FAM3C: variants seen among roughly 807,000 people sequenced by gnomAD.
FAM3C encodes FAM3 metabolism regulating signaling molecule C, also known as protein FAM3C.
Under a neutral mutation model 32.5 loss-of-function variants are expected in FAM3C, and 15 were observed. That is an observed-to-expected ratio of 0.46 (90% confidence interval 0.31 to 0.71). FAM3C has a LOEUF of 0.71. Ranked by LOEUF, FAM3C falls within the 30% of genes least tolerant of loss-of-function variation. The probability of loss-of-function intolerance (pLI) is 0.05; values close to 1 mark genes in which losing one functional copy is unlikely to be tolerated. For missense variants in FAM3C, 175 were observed against 274.4 expected (o/e 0.64, Z 2.56); for synonymous variants, 75 against 86.1 (o/e 0.87, Z 0.72).
intron 1 of FAM3C, among the ~76,000 whole-genome samples, chr7:121,392,610 G>A (rs1005935025): frequency 3.3e-5 from 5 of 152,112 alleles, no homozygotes; most frequent in South Asian, 2.1e-4. Context: ...TTGACCTTGC[G>A]TCTTTCAAAA....
intron 2 of FAM3C, among the ~76,000 whole-genome samples, chr7:121,379,480 T>G (rs149172001): frequency 6.6e-6 from 1 of 152,148 alleles, no homozygotes; most frequent in Admixed American, 6.6e-5. Context: ...TACAGATTTA[T>G]TGTCCTATCA....
chr7:121,349,311 A>G lies in FAM3C; in HGVS notation c.*1150T>C, dbSNP rs1338210119. ...GTTTGAGATACTTCATACACAACAT[A>G]TATTTAATGCCCTGAAAACTTCTGC... On this transcript the variant is annotated 3_prime_UTR_variant, in exon 10 of 10. Transcript: ENST00000359943. The G allele has an allele frequency of 6.6e-6, 1 of 152,250 alleles. No homozygotes were observed. The highest frequency in any genetic ancestry group is 1.5e-5 in the Non-Finnish European group (1 of 67,958). The allele number at this position is 152,250 out of a possible 1,614,324, so 9.4% of individuals were successfully genotyped here.
intron 1 of FAM3C, among the ~76,000 whole-genome samples, chr7:121,391,360 A>T (rs1794575161): frequency 6.6e-6 from 1 of 152,228 alleles, no homozygotes; most frequent in African/African-American, 2.4e-5. Flanking sequence ...ACAGAAAGAA[A>T]TAGCTATTCT....
intron 8 of FAM3C, among the ~76,000 whole-genome samples, chr7:121,352,083 T>C (rs981553092): frequency 6.6e-6 from 1 of 152,178 alleles, no homozygotes; most frequent in Non-Finnish European, 1.5e-5. Flanking sequence ...TCCTATATAC[T>C]GCGCAAAAGA....
At chr7:121,364,684 T>G (rs1793990310) in intron 5 of FAM3C, 1 of 152,732 alleles carries the variant, frequency 6.5e-6, no homozygotes, top group African/African-American at 2.4e-5. Context: ...TGATTATCAC[T>G]GTAAAGTTCG....
chr7:121,387,140 T>G (rs1794481605), intron 1 of FAM3C, among the ~76,000 whole-genome samples: 1 of 152,156 alleles, frequency 6.6e-6, no homozygotes, highest in African/African-American at 2.4e-5. Context: ...TAAAGCTTTC[T>G]TTATAGACAC....
chr7:121,352,811 T>C (rs1005386480), intron 8 of FAM3C, among the ~76,000 whole-genome samples: 2 of 152,258 alleles, frequency 1.3e-5, no homozygotes, highest in African/African-American at 4.8e-5. Context: ...CCAAATGTTA[T>C]TGGGATGCCA....
intron 1 of FAM3C, among the ~76,000 whole-genome samples, chr7:121,394,881 A>T (rs1362969601): frequency 6.6e-6 from 1 of 152,168 alleles, no homozygotes; most frequent in Admixed American, 6.5e-5. Context: ...TTCAATAGAG[A>T]TCTGCTGGTA....
At chr7:121,390,476 T>C (rs560612025) in intron 1 of FAM3C, among the ~76,000 whole-genome samples, 1 of 152,296 alleles carries the variant, frequency 6.6e-6, no homozygotes, top group South Asian at 2.1e-4. Context: ...CCTTCTTGCC[T>C]GGGGACTAGA....
intron 3 of FAM3C, among the ~76,000 whole-genome samples, chr7:121,372,459 A>C (rs1794167555): frequency 6.6e-6 from 1 of 152,214 alleles, no homozygotes; most frequent in Non-Finnish European, 1.5e-5. Context: ...TTCAATGTTT[A>C]TAAATATAAA....
chr7:121,349,474 A>G lies in FAM3C; in HGVS notation c.*987T>C, dbSNP rs1272549667. ...TTAAATGTTATCAGTCCGCCCAGTA[A>G]TAAGAACTTTTGTAAATATGCCACT... On this transcript the variant is annotated 3_prime_UTR_variant, in exon 10 of 10. Coordinates refer to ENST00000359943, the MANE Select transcript of FAM3C (RefSeq NM_014888.3). 2 of 152,188 alleles carry G rather than the reference A, an allele frequency of 1.3e-5. No individual in the cohort carries two copies. Among genetic ancestry groups the G allele is most frequent in the African/African-American group, 4.8e-5 (2 of 41,442 alleles). The allele number at this position is 152,188 out of a possible 1,614,324, so 9.4% of individuals were successfully genotyped here.
At chr7:121,350,849 C>G (rs1056376774) in intron 9 of FAM3C, among the ~76,000 whole-genome samples, 1 of 152,138 alleles carries the variant, frequency 6.6e-6, no homozygotes, top group Non-Finnish European at 1.5e-5. Context: ...ATTCTAAAAT[C>G]CAAAGCTCAA....
chr7:121,391,976 T>C (rs1794586484), intron 1 of FAM3C, among the ~76,000 whole-genome samples: 1 of 152,190 alleles, frequency 6.6e-6, no homozygotes, highest in Non-Finnish European at 1.5e-5. Context: ...AACAAACTTC[T>C]AATTACATAT....
Position 121,368,863 on chromosome 7 carries a change from C to T in FAM3C, c.272+2437G>A, listed in dbSNP as rs183791736. On this transcript the variant is annotated intron_variant, in intron 5 of 9. Coordinates refer to ENST00000359943, the MANE Select transcript of FAM3C (RefSeq NM_014888.3). ...TAGAAACTGTTCCATAACCCTCAAT[C>T]TAAAAGTTAGACACCTCTTTCCATC... 9.2e-5 allele frequency among the ~76,000 whole-genome samples: 14 copies of T among 151,996 alleles called. 1 individual carries two copies. The highest frequency in any genetic ancestry group is 9.2e-4 in the Admixed American group (14 of 15,286).
Position 121,382,991 on chromosome 7 carries a change from C to T in FAM3C, c.-22G>A, listed in dbSNP as rs577300415. ...TCATGTTTGGTTTTTCAGTTTATGG[C>T]ACTTTTCATTAATATGCTCCTAAAA... On this transcript the variant is annotated 5_prime_UTR_variant, in exon 2 of 10. Coordinates refer to ENST00000359943, the MANE Select transcript of FAM3C (RefSeq NM_014888.3). 8 of 1,593,146 alleles carry T rather than the reference C, an allele frequency of 5.0e-6. No individual in the cohort carries two copies. Among genetic ancestry groups the T allele is most frequent in the Admixed American group, 3.4e-5 (2 of 58,976 alleles).
At position 121,371,420 on chromosome 7, in the gene FAM3C, G is replaced by A; in HGVS notation, c.152C>T (p.Thr51Ile). Reference sequence around the variant, plus strand: ...CCCACACTTATATCTGGGAGGCTTTGTAGCTTTGGGGGAGAAAACATGATG... The same window carrying A: ...CCCACACTTATATCTGGGAGGCTTTATAGCTTTGGGGGAGAAAACATGATG... ...RSALDTAARS[T>I]KPPRYKCGIS... Residue 51 changes from threonine to isoleucine, a missense_variant, in exon 5 of 10, where the codon ACA becomes ATA. Physicochemically the swap from Thr to Ile is moderately conservative, Grantham distance 89. Coordinates refer to ENST00000359943, the MANE Select transcript of FAM3C (RefSeq NM_014888.3). The A allele has an allele frequency of 3.7e-6, 6 of 1,613,648 alleles. No individual in the cohort carries two copies. Among genetic ancestry groups the A allele is most frequent in the African/African-American group, 1.3e-5 (1 of 75,028 alleles).
intron 2 of FAM3C, 124 bp from the exon 3 acceptor site, chr7:121,379,138 T>C: frequency 3.5e-6 from 2 of 571,810 alleles, no homozygotes; most frequent in South Asian, 4.5e-5. Context: ...CTATTAGATC[T>C]TAATTTTACA....
Position 121,350,487 on chromosome 7 carries a change from C to T in FAM3C, c.658G>A (p.Gly220Arg). The change falls in exon 10 of 10, where the codon GGA (glycine) becomes AGA (arginine). Residue 220 changes from glycine to arginine, a missense_variant. Transcript: ENST00000359943. ...TAGTCTTGCTTCTGGGGGATGCATC[C>T]TTCCATTTCTACAACTTCAGGCCAT... ...EGWPEVVEME[G>R]CIPQKQD 6.2e-7 allele frequency: 1 copy of T among 1,612,168 alleles called. No individual in the cohort carries two copies. The highest frequency in any genetic ancestry group is 8.5e-7 in the Non-Finnish European group (1 of 1,179,342).
chr7:121,393,543 G>A (rs1484745514), intron 1 of FAM3C, among the ~76,000 whole-genome samples: 3 of 151,894 alleles, frequency 2.0e-5, no homozygotes, highest in Admixed American at 6.6e-5. Flanking sequence ...CATGAATAGC[G>A]GATTTTCAAA....
Sources: gnomAD v4.1 joint callset for allele counts (sites outside exome capture counted in the v4.1 genomes callset) on GRCh38, gnomAD v4.1.1 for gene constraint, MANE v1.5 for transcripts, NCBI Gene and HGNC (gene_info 2026-07-23, HGNC 2026-07-21) for gene names.